CNTN4: variants seen among roughly 807,000 people sequenced by gnomAD.
The protein encoded by CNTN4 is contactin 4.
CNTN4 carries 77 observed loss-of-function variants against 122.5 expected under a neutral mutation model. The ratio of observed to expected loss-of-function variants is 0.63; its 90% confidence interval spans 0.52 to 0.76. The LOEUF is 0.76. Ranked by LOEUF, CNTN4 falls within the 30% of genes least tolerant of loss-of-function variation. The pLI is 0.00. For missense variants in CNTN4, 1,256 were observed against 1,259.1 expected (o/e 1.00, Z 0.04); for synonymous variants, 512 against 447.0 (o/e 1.15, Z -1.83).
At position 3,040,233 on chromosome 3, in the gene CNTN4, C is replaced by T. The variant is rs1458540201; in HGVS notation, c.2360C>T (p.Pro787Leu). Residue 787 changes from proline to leucine, a missense_variant, in exon 20 of 25, where the codon CCT becomes CTT. By Grantham distance (98) the Pro-to-Leu change is moderately conservative (BLOSUM62 -3). Coordinates refer to ENST00000418658, the MANE Select transcript of CNTN4 (RefSeq NM_175607.3). The stretch of plus-strand genomic sequence containing the variant: ...GTCTTCAACAACAAAGGAGAAGGCC[C>T]TTTCAGTCCCACCACGGTGGTGTAT... ...VGVFNNKGEG[P>L]FSPTTVVYSA... The T allele has an allele frequency of 6.2e-7, 1 of 1,614,144 alleles. No individual in the cohort carries two copies. Among genetic ancestry groups the T allele is most frequent in the Non-Finnish European group, 8.5e-7 (1 of 1,179,978 alleles).
At chr3:2,374,484 AC>A (rs2150695136) in intron 3 of CNTN4, among the ~76,000 whole-genome samples, 1 of 152,316 alleles carries the variant, frequency 6.6e-6, no homozygotes, top group South Asian at 2.1e-4. Flanking sequence ...ATCTGTAACT[AC>A]CCCGTATACT....
intron 2 of CNTN4, among the ~76,000 whole-genome samples, chr3:2,299,737 A>G (rs973854601): frequency 2.0e-5 from 3 of 152,188 alleles, no homozygotes; most frequent in African/African-American, 7.2e-5. Context: ...CTTGATTTAC[A>G]TGATTAAATC....
chr3:2,953,300 C>G (rs1402324242), intron 13 of CNTN4, among the ~76,000 whole-genome samples: 1 of 152,060 alleles, frequency 6.6e-6, no homozygotes, highest in Non-Finnish European at 1.5e-5. Context: ...AATGTTAATT[C>G]CCCCCAGATT....
chr3:2,630,986 T>C (rs1259726486), intron 4 of CNTN4, among the ~76,000 whole-genome samples: 2 of 152,148 alleles, frequency 1.3e-5, no homozygotes, highest in African/African-American at 4.8e-5. Flanking sequence ...AAAAGTTCTC[T>C]TTCATTCCCA....
chr3:2,785,138 C>CACACACAT (rs140652217), intron 6 of CNTN4, among the ~76,000 whole-genome samples: 215 of 136,268 alleles, frequency 1.6e-3, no homozygotes, highest in African/African-American at 4.9e-3. Flanking sequence ...CACACACACA[C>CACACACAT]ATATATATAG....
chr3:2,601,031 C>T (rs9860667), intron 4 of CNTN4, among the ~76,000 whole-genome samples: 2,657 of 152,130 alleles, frequency 0.017, 41 homozygotes, highest in African/African-American at 0.045. Flanking sequence ...ATTCATTGCC[C>T]ACTTTTTGAT....
At chr3:2,934,271 G>C (rs2094549195) in intron 13 of CNTN4, among the ~76,000 whole-genome samples, 2 of 152,214 alleles carry the variant, frequency 1.3e-5, no homozygotes, top group African/African-American at 4.8e-5. Context: ...ATCAGATCAA[G>C]TCTAGCATTC....
intron 3 of CNTN4, among the ~76,000 whole-genome samples, chr3:2,368,808 C>A (rs181512241): frequency 6.6e-6 from 1 of 152,294 alleles, no homozygotes; most frequent in African/African-American, 2.4e-5. Flanking sequence ...ACAGCCACAT[C>A]TCAAGCATTA....
intron 6 of CNTN4, among the ~76,000 whole-genome samples, chr3:2,779,395 C>T (rs1014780871): frequency 6.6e-6 from 1 of 152,124 alleles, no homozygotes; most frequent in Non-Finnish European, 1.5e-5. Context: ...GGCTGGGTTT[C>T]ACCATGTTGC....
At chr3:2,583,768 G>T (rs191769222) in intron 4 of CNTN4, among the ~76,000 whole-genome samples, 1 of 151,960 alleles carries the variant, frequency 6.6e-6, no homozygotes, top group Non-Finnish European at 1.5e-5. Flanking sequence ...TATATTATTG[G>T]GTACTGATAG....
At chr3:2,796,055 G>T (rs1237903062) in intron 6 of CNTN4, among the ~76,000 whole-genome samples, 1 of 152,104 alleles carries the variant, frequency 6.6e-6, no homozygotes, top group Non-Finnish European at 1.5e-5. Context: ...ACAGAGAATT[G>T]TTGATTGGGA....
chr3:2,592,486 T>A (rs989254186), intron 4 of CNTN4, among the ~76,000 whole-genome samples: 5 of 152,182 alleles, frequency 3.3e-5, no homozygotes, highest in Non-Finnish European at 5.9e-5. Flanking sequence ...GGGTAAGAGA[T>A]GATTGAATCA....
chr3:2,550,691 G>A (rs1055974042), intron 3 of CNTN4, among the ~76,000 whole-genome samples: 2 of 152,086 alleles, frequency 1.3e-5, no homozygotes, highest in African/African-American at 4.8e-5. Context: ...CAAAGACTTG[G>A]AACCAACCCA....
At chr3:2,471,223 C>T (rs1303818428) in intron 3 of CNTN4, among the ~76,000 whole-genome samples, 4 of 152,136 alleles carry the variant, frequency 2.6e-5, no homozygotes, top group Admixed American at 2.6e-4. Context: ...CTGTGATTTT[C>T]AAAGAGCTAC....
chr3:2,168,199 A>C (rs1262186467), intron 2 of CNTN4, among the ~76,000 whole-genome samples: 4 of 152,218 alleles, frequency 2.6e-5, no homozygotes, highest in Admixed American at 1.3e-4. Flanking sequence ...ATGTTTTTGG[A>C]ATGTTTATGA....
At chr3:2,870,583 G>C (rs985835074) in intron 8 of CNTN4, among the ~76,000 whole-genome samples, 1 of 152,134 alleles carries the variant, frequency 6.6e-6, no homozygotes, top group Non-Finnish European at 1.5e-5. Flanking sequence ...CTGGGATTTG[G>C]TGACTGTATA....
chr3:2,773,349 A>G (rs565507896), intron 6 of CNTN4, among the ~76,000 whole-genome samples: 17 of 152,308 alleles, frequency 1.1e-4, no homozygotes, highest in Middle Eastern at 6.8e-3. Context: ...AGTAGTACTG[A>G]CTTGTTAGAT....
rs1480800717 is a variant in CNTN4 at position 2,490,510 on chromosome 3, A to G, written c.-88-80906A>G. ...ATATTTTGGGGATATAATTTTACAA[A>G]GAGTAAAGTTGTTCAAAAATGCATG... On this transcript the variant is annotated intron_variant, in intron 3 of 24. Coordinates refer to ENST00000418658, the MANE Select transcript of CNTN4 (RefSeq NM_175607.3). Among the ~76,000 whole-genome samples the G allele has an allele frequency of 2.2e-5, 3 of 139,010 alleles. No homozygotes were observed. The East Asian group carries it at 6.6e-4, about 30-fold the overall frequency. 91.2% of individuals were successfully genotyped at this position (139,010 alleles called of 152,430 possible).
At chr3:2,144,879 A>T (rs1348296052) in intron 2 of CNTN4, among the ~76,000 whole-genome samples, 2 of 152,208 alleles carry the variant, frequency 1.3e-5, no homozygotes, top group Non-Finnish European at 2.9e-5. Flanking sequence ...TCCTGTTCAT[A>T]TTGGATTTAT....
Sources: gnomAD v4.1 joint callset for allele counts (sites outside exome capture counted in the v4.1 genomes callset) on GRCh38, gnomAD v4.1.1 for gene constraint, MANE v1.5 for transcripts, NCBI Gene and HGNC (gene_info 2026-07-23, HGNC 2026-07-21) for gene names.